Variants in HSPA9 observed in about 807,000 individuals in gnomAD.
The protein encoded by HSPA9 is stress-70 protein, mitochondrial.
HSPA9 carries 28 observed loss-of-function variants against 81.5 expected under a neutral mutation model. That is an observed-to-expected ratio of 0.34 (90% CI 0.25 to 0.47). The LOEUF is 0.47. Ranked by LOEUF, HSPA9 falls within the 20% of genes least tolerant of loss-of-function variation. HSPA9 has a pLI of 1.00. For synonymous variants in HSPA9, 293 were observed against 290.4 expected (o/e 1.01, Z -0.09); for missense variants, 678 against 838.0 (o/e 0.81, Z 2.36).
chr5:138,561,512 C>T (rs1344837199), intron 10 of HSPA9, 68 bp downstream of exon 10: 3 of 1,269,936 alleles, frequency 2.4e-6, no homozygotes, highest in Non-Finnish European at 1.1e-6. Context: ...TATATTTGTG[C>T]CACCTGTCCC....
chr5:138,566,814 C>T (rs1193164626), intron 8 of HSPA9, 96 bp from the exon 9 acceptor site: 1 of 1,116,480 alleles, frequency 9.0e-7, no homozygotes. Context: ...TGGAGTCATA[C>T]CTTTATATAT....
chr5:138,567,747 T>C (rs1750796796), intron 5 of HSPA9, 25 bp from the exon 6 acceptor site: 3 of 1,555,664 alleles, frequency 1.9e-6, no homozygotes, highest in South Asian at 1.1e-5. Context: ...AATTCAATCA[T>C]GGAATTCTGT....
chr5:138,568,908 G>T lies in HSPA9; in HGVS notation c.535+17C>A. ...TTGTTCTTAGAACTTTCCCAGATGT[G>T]AACTAAACCCACTCACCTGCAGTCT... On this transcript the variant is annotated intron_variant, in intron 5 of 16. Coordinates refer to ENST00000297185, the MANE Select transcript of HSPA9 (RefSeq NM_004134.7). 2 of 1,612,998 alleles carry T rather than the reference G, an allele frequency of 1.2e-6. No homozygotes were observed. Among genetic ancestry groups the T allele is most frequent in the South Asian group, 2.2e-5 (2 of 90,940 alleles).
intron 9 of HSPA9, among the ~76,000 whole-genome samples, chr5:138,564,590 G>A (rs920380451): frequency 1.3e-5 from 2 of 152,110 alleles, no homozygotes; most frequent in South Asian, 2.1e-4. Context: ...TTGTAGAGAC[G>A]GGGGTTCTCA....
intron 11 of HSPA9, chr5:138,559,116 T>TC: frequency 4.7e-6 from 1 of 214,970 alleles, no homozygotes; most frequent in Non-Finnish European, 9.5e-6. Flanking sequence ...TTTTTTTTTT[T>TC]TTGAGACAAG....
Position 138,557,386 on chromosome 5 carries a change from GA to G in HSPA9, c.1728+15del, listed in dbSNP as rs1561856473. The G allele has an allele frequency of 6.5e-7, 1 of 1,547,568 alleles. No individual in the cohort carries two copies. Among genetic ancestry groups the G allele is most frequent in the East Asian group, 2.2e-5 (1 of 44,564 alleles). On this transcript the variant is annotated intron_variant, in intron 14 of 16. Transcript: ENST00000297185. ...GCTTTACTAAGATTAAAGTTCAGAA[GA>G]CAAGAAGTAATCACCTTCTTTCGCC...
At position 138,575,314 on chromosome 5, in the gene HSPA9, A is replaced by G; in HGVS notation, c.5T>C (p.Ile2Thr). The G allele has an allele frequency of 6.2e-7, 1 of 1,611,568 alleles. No individual in the cohort carries two copies. The highest frequency in any genetic ancestry group is 1.1e-5 in the South Asian group (1 of 90,860). The change falls in exon 1 of 17, where the codon ATA becomes ACA. Residue 2 changes from isoleucine to threonine, a missense_variant. By Grantham distance (89) the Ile-to-Thr change is moderately conservative. Transcript: ENST00000297185. M[I>T]SASRAAAARL... Reference sequence around the variant, plus strand: ...GGCTGCTGCAGCTCGGCTGGCACTTATCATGGCGGATAAATGGAGGAGTAC... The same window carrying G: ...GGCTGCTGCAGCTCGGCTGGCACTTGTCATGGCGGATAAATGGAGGAGTAC...
Position 138,556,810 on chromosome 5 carries a change from C to G in HSPA9, c.1785G>C (p.Lys595Asn). 1 of 1,613,968 alleles carries G rather than the reference C, an allele frequency of 6.2e-7. No homozygotes were observed. Among genetic ancestry groups the G allele is most frequent in the Non-Finnish European group, 8.5e-7 (1 of 1,179,848 alleles). The change falls in exon 15 of 17, where the codon AAG (lysine) becomes AAC (asparagine). Residue 595 changes from lysine (K) to asparagine (N), a missense_variant. This residue lies in a region of HSPA9 where 100 missense variants were observed against 99.5 expected (regional missense o/e 1.00). Coordinates refer to ENST00000297185, the MANE Select transcript of HSPA9 (RefSeq NM_004134.7). ...GTAATTGGTCCTTGAATTCTTCCAT[C>G]TTGGTTTCTGTGTCGTGAATGATTC... Reference protein sequence around the residue: ...AEGIIHDTETKMEEFKDQLPA... With the variant: ...AEGIIHDTETNMEEFKDQLPA...
Position 138,559,941 on chromosome 5 carries a change from G to A in HSPA9, c.1333C>T (p.Leu445=), listed in dbSNP as rs775589602. 1.2e-6 allele frequency: 2 copies of A among 1,614,102 alleles called. No individual in the cohort carries two copies. Among genetic ancestry groups the A allele is most frequent in the East Asian group, 2.2e-5 (1 of 44,872 alleles). ...ACACCTCCTAGAGTTTCAATACCCA[G>A]AGACAGGGGAGTGACATCAAGGAGC... ...VLLLDVTPLS[L]GIETLGGVFT... is the part of the protein sequence containing the mutation. The change falls in exon 11 of 17, where the codon CTG becomes TTG. Residue 445 remains leucine, a synonymous_variant. Transcript: ENST00000297185.
rs773423619 is a variant in HSPA9, at chr5:138,558,549, C to A, written c.1515+4G>T. 20 of 1,560,418 alleles carry A rather than the reference C, an allele frequency of 1.3e-5. No homozygotes were observed. The Admixed American group carries it at 2.5e-4, about 20-fold the overall frequency. On this transcript the variant is annotated splice_donor_region_variant and intron_variant, in intron 12 of 16. Transcript: ENST00000297185. ...CATAGTATTCAGGATTCACAATAACCTACCAAAGTAAACTGTCCAAGGAGT... is the reference window on the plus strand; with the variant it reads ...CATAGTATTCAGGATTCACAATAACATACCAAAGTAAACTGTCCAAGGAGT...
rs899651003 is a variant in HSPA9 at position 138,567,541 on chromosome 5, C to T, written c.630G>A (p.Gln210=). 1 of 1,614,130 alleles carries T rather than the reference C, an allele frequency of 6.2e-7. No homozygotes were observed. The highest frequency in any genetic ancestry group is 1.3e-5 in the African/African-American group (1 of 75,054). The change falls in exon 7 of 17, where the codon CAG becomes CAA. Residue 210 remains glutamine (Q), a synonymous_variant. Coordinates refer to ENST00000297185, the MANE Select transcript of HSPA9 (RefSeq NM_004134.7). ...SQRQATKDAG[Q]ISGLNVLRVI... Reference sequence around the variant, plus strand: ...CCCGAAGCACATTCAGTCCAGATATCTGGCCAGCATCTTTAGTGGCCTAGA... The same window carrying T: ...CCCGAAGCACATTCAGTCCAGATATTTGGCCAGCATCTTTAGTGGCCTAGA...
At chr5:138,569,138 C>A (rs1407311057) in intron 4 of HSPA9, 89 bp from the exon 5 acceptor site, 4 of 1,229,156 alleles carry the variant, frequency 3.3e-6, no homozygotes, top group Non-Finnish European at 4.8e-6. Flanking sequence ...CCATCTTCCA[C>A]CCCAAGAGAC....
In HSPA9 at chr5:138,554,640, T is replaced by C. The variant is rs1452754971; in HGVS notation, c.*1397A>G. Among the ~76,000 whole-genome samples, 1 of 152,254 alleles carries C rather than the reference T, an allele frequency of 6.6e-6. No homozygotes were observed. Among genetic ancestry groups the C allele is most frequent in the African/African-American group, 2.4e-5 (1 of 41,464 alleles). ...TCTCATTTCTACATATTACAAAACA[T>C]TATAAAAGGAGCCATTGTGTCTGAT... On this transcript the variant is annotated 3_prime_UTR_variant, in exon 17 of 17. Transcript: ENST00000297185.
chr5:138,566,641 G>A lies in HSPA9; in HGVS notation c.957C>T (p.Leu319=), dbSNP rs1750769761. 2 of 1,612,800 alleles carry A rather than the reference G, an allele frequency of 1.2e-6. No individual in the cohort carries two copies. Among genetic ancestry groups the A allele is most frequent in the African/African-American group, 2.7e-5 (2 of 74,988 alleles). Residue 319 remains leucine, a synonymous_variant, in exon 9 of 17, where the codon CTC becomes CTT. Transcript: ENST00000297185. ...CGTGTCTCACCTGCACAGATGAGGA[G>A]AGTTCACATTTAGCCTTTTCAGCAG... ...REAAEKAKCE[L]SSSVQTDINL... is the part of the protein sequence containing the mutation.
intron 11 of HSPA9, 193 bp from the exon 12 acceptor site, chr5:138,558,850 T>C: frequency 1.8e-6 from 1 of 564,292 alleles, no homozygotes; most frequent in Admixed American, 2.8e-5. Context: ...CAATAGCAAC[T>C]GTTTCAGCTA....
chr5:138,565,196 G>A (rs909031232), intron 9 of HSPA9, among the ~76,000 whole-genome samples: 3 of 152,052 alleles, frequency 2.0e-5, no homozygotes, highest in Non-Finnish European at 2.9e-5. Flanking sequence ...CCAACACCTC[G>A]CATCCCCTAC....
At chr5:138,570,916 T>C (rs751327502) in intron 4 of HSPA9, 44 bp downstream of exon 4, 8 of 1,567,138 alleles carry the variant, frequency 5.1e-6, no homozygotes, top group South Asian at 1.1e-5. Flanking sequence ...TGTGTGGCCC[T>C]TGCAAATAAC....
At position 138,554,151 on chromosome 5, in the gene HSPA9, A is replaced by G. The variant is rs1455786012; in HGVS notation, c.*1886T>C. 2.0e-5 allele frequency among the ~76,000 whole-genome samples: 3 copies of G among 152,208 alleles called. No homozygotes were observed. Among genetic ancestry groups the G allele is most frequent in the Non-Finnish European group, 2.9e-5 (2 of 68,032 alleles). ...TCTTGCTATTTATGCTATTAGCTTTACTGATAGGTGACTGAAATACTGTGT... is the reference window on the plus strand; with the variant it reads ...TCTTGCTATTTATGCTATTAGCTTTGCTGATAGGTGACTGAAATACTGTGT... On this transcript the variant is annotated 3_prime_UTR_variant, in exon 17 of 17. Transcript: ENST00000297185.
At chr5:138,568,780 A>C (rs952572173) in intron 5 of HSPA9, 145 bp downstream of exon 5, 4 of 790,580 alleles carry the variant, frequency 5.1e-6, no homozygotes, top group Admixed American at 3.9e-5. Flanking sequence ...GAAAGCATGA[A>C]GTATAACACA....
Sources: allele counts gnomAD v4.1 joint callset (sites outside exome capture counted in the v4.1 genomes callset), GRCh38; gene constraint gnomAD v4.1.1; regional missense constraint gnomAD v4.1.1; transcripts MANE v1.5; gene names NCBI Gene and HGNC (gene_info 2026-07-23, HGNC 2026-07-21).